The following SPATA17 variants were observed in gnomAD, a reference collection of about 807,000 sequenced individuals.
SPATA17 encodes the protein spermatogenesis associated 17.
In SPATA17, 53 loss-of-function variants were observed where a neutral mutation model predicts 62.2. The observed-to-expected ratio is 0.85, with a 90% CI of 0.68 to 1.07. The LOEUF (loss-of-function observed/expected upper bound fraction) is 1.07, where lower values mean the gene tolerates loss of function less well. SPATA17 is among the 50% of genes least tolerant of loss of function. The pLI is 0.00. For synonymous variants in SPATA17, 146 were observed against 146.8 expected, an observed-to-expected ratio of 0.99 and a Z score of 0.04; for missense variants, 466 against 425.5, an observed-to-expected ratio of 1.10 and a Z score of -0.84.
At position 217,661,224 on chromosome 1, in the gene SPATA17, A is replaced by C. The variant is rs552172647; in HGVS notation, c.241-7809A>C. 1.9e-4 allele frequency among the ~76,000 whole-genome samples: 29 copies of C among 151,986 alleles called. No homozygotes were observed. In the Middle Eastern group the frequency reaches 0.017, roughly 89 times the overall value. ...TTGTGGAATGCATTAGGTAGAATTT[A>C]GGAAGAGGAAAGGGAATTAAAAATA... On this transcript the variant is annotated intron_variant, in intron 3 of 10. Coordinates refer to ENST00000366933, the MANE Select transcript of SPATA17 (RefSeq NM_138796.4).
chr1:217,675,917 G>GA (rs1388597219), intron 4 of SPATA17, among the ~76,000 whole-genome samples: 1 of 152,092 alleles, frequency 6.6e-6, no homozygotes, highest in Non-Finnish European at 1.5e-5. Context: ...CTCTTTTTCT[G>GA]AAAATATGGA....
Position 217,868,368 on chromosome 1 carries a change from T to G in SPATA17, c.*1349T>G, listed in dbSNP as rs1012653015. 1 of 152,194 alleles carries G rather than the reference T, an allele frequency of 6.6e-6. No individual in the cohort carries two copies. The highest frequency in any genetic ancestry group is 2.4e-5 in the African/African-American group (1 of 41,460). 9.4% of individuals were successfully genotyped at this position (152,194 alleles called of 1,614,324 possible). ...TTATAATCGGTTATGTGCCAATAAA[T>G]CCATTGTAAATTGAAAATATCCTAA... On this transcript the variant is annotated 3_prime_UTR_variant, in exon 11 of 11. Coordinates refer to ENST00000366933, the MANE Select transcript of SPATA17 (RefSeq NM_138796.4).
Position 217,858,161 on chromosome 1 carries a change from A to G in SPATA17, c.1006-4613A>G, listed in dbSNP as rs535374175. ...ATATTATATTCCCACAATATTACAC[A>G]TGGATAATTTAACACAAATGAATAG... is the stretch of plus-strand genomic sequence containing the variant. On this transcript the variant is annotated intron_variant, in intron 9 of 10. Transcript: ENST00000366933. Among the ~76,000 whole-genome samples the G allele has an allele frequency of 9.2e-5, 14 of 152,292 alleles. 1 individual carries two copies. Among genetic ancestry groups the G allele is most frequent in the East Asian group, 7.7e-4 (4 of 5,184 alleles).
At chr1:217,712,033 G>A (rs73095323) in intron 5 of SPATA17, among the ~76,000 whole-genome samples, 7,297 of 151,588 alleles carry the variant, frequency 0.048, 574 homozygotes, top group African/African-American at 0.16. Context: ...CTTTTTCTCT[G>A]AAGTTTTTAT....
intron 7 of SPATA17, among the ~76,000 whole-genome samples, chr1:217,779,240 A>G (rs1673673391): frequency 6.6e-6 from 1 of 151,684 alleles, no homozygotes; most frequent in Admixed American, 6.6e-5. Context: ...GCAGAATTAA[A>G]AAATATGTAT....
At chr1:217,822,296 T>C (rs1192013863) in intron 9 of SPATA17, among the ~76,000 whole-genome samples, 2 of 152,044 alleles carry the variant, frequency 1.3e-5, no homozygotes, top group Non-Finnish European at 2.9e-5. Context: ...AAAACTTACA[T>C]TGTTTTGATA....
In SPATA17 at chr1:217,826,662, A is replaced by G. The variant is rs560153930; in HGVS notation, c.1005+24812A>G. Among the ~76,000 whole-genome samples, 6 of 152,240 alleles carry G rather than the reference A, an allele frequency of 3.9e-5. No homozygotes were observed. In the South Asian group the frequency reaches 1.2e-3, roughly 32 times the overall value. ...CTTATAACTAACTTCTAAATATGAT[A>G]TTTTACCAATTAGAGAAAGATTTAT... On this transcript the variant is annotated intron_variant, in intron 9 of 10. Coordinates refer to ENST00000366933, the MANE Select transcript of SPATA17 (RefSeq NM_138796.4).
intron 5 of SPATA17, among the ~76,000 whole-genome samples, chr1:217,727,077 A>G (rs1672279170): frequency 6.6e-6 from 1 of 151,772 alleles, no homozygotes; most frequent in Non-Finnish European, 1.5e-5. Flanking sequence ...GAGAAACCCC[A>G]TCTCTACTAA....
intron 9 of SPATA17, among the ~76,000 whole-genome samples, chr1:217,829,489 A>G (rs751358177): frequency 4.9e-4 from 74 of 151,802 alleles, no homozygotes; most frequent in Admixed American, 1.6e-3. Context: ...TTAGCCGGGC[A>G]TGGTGGCCCA....
chr1:217,656,514 T>C (rs1670445183), intron 3 of SPATA17, among the ~76,000 whole-genome samples: 1 of 152,240 alleles, frequency 6.6e-6, no homozygotes, highest in East Asian at 1.9e-4. Flanking sequence ...TTAAATCTGG[T>C]AAGCTCTAAG....
intron 5 of SPATA17, among the ~76,000 whole-genome samples, chr1:217,714,292 T>C (rs1671945457): frequency 6.6e-6 from 1 of 151,604 alleles, no homozygotes; most frequent in Non-Finnish European, 1.5e-5. Flanking sequence ...AGGAAGTTGA[T>C]GCAGGAGAAT....
rs150527831 is a variant in SPATA17, at chr1:217,817,683, T to A, written c.1005+15833T>A. On this transcript the variant is annotated intron_variant, in intron 9 of 10. Coordinates refer to ENST00000366933, the MANE Select transcript of SPATA17 (RefSeq NM_138796.4). ...AACATGTTGCCCTGAAATTGCAGCA[T>A]AATTTACCTTACGTGGTTTCAAAAG... 7.7e-3 allele frequency among the ~76,000 whole-genome samples: 1,169 copies of A among 152,186 alleles called. 9 individuals carry two copies. The highest frequency in any genetic ancestry group is 0.013 in the Non-Finnish European group (855 of 67,978).
Position 217,749,991 on chromosome 1 carries a change from A to C in SPATA17, c.519+7893A>C, listed in dbSNP as rs1321683219. Among the ~76,000 whole-genome samples, 151 of 81,404 alleles carry C rather than the reference A, an allele frequency of 1.9e-3. 3 individuals carry two copies. Among genetic ancestry groups the C allele is most frequent in the African/African-American group, 2.8e-3 (69 of 24,762 alleles). 53.4% of individuals were successfully genotyped at this position (81,404 alleles called of 152,430 possible). ...TCTCTCTCTCTCTCTCTCTCTATATATATATATATATATATATATATGAGG... is the reference window on the plus strand; with the variant it reads ...TCTCTCTCTCTCTCTCTCTCTATATCTATATATATATATATATATATGAGG... On this transcript the variant is annotated intron_variant, in intron 6 of 10. Transcript: ENST00000366933.
chr1:217,696,358 C>G (rs966963046), intron 5 of SPATA17, among the ~76,000 whole-genome samples: 1 of 152,160 alleles, frequency 6.6e-6, no homozygotes, highest in South Asian at 2.1e-4. Context: ...GGCTCGCGCA[C>G]AGTGCGCGCA....
intron 4 of SPATA17, among the ~76,000 whole-genome samples, chr1:217,670,312 G>A (rs984369172): frequency 3.3e-5 from 5 of 152,048 alleles, no homozygotes; most frequent in Admixed American, 1.3e-4. Context: ...TGATCACCAG[G>A]GGAGACTGTA....
intron 6 of SPATA17, among the ~76,000 whole-genome samples, chr1:217,765,461 T>C (rs1673277323): frequency 6.6e-6 from 1 of 151,992 alleles, no homozygotes; most frequent in East Asian, 1.9e-4. Flanking sequence ...TGATAAGCTA[T>C]ATTTTAATTT....
chr1:217,648,899 G>GA lies in SPATA17; in HGVS notation c.92dup (p.Glu32GlyfsTer3), dbSNP rs773436209. 15 of 1,606,814 alleles carry GA rather than the reference G, an allele frequency of 9.3e-6. No homozygotes were observed. The African/African-American group carries it at 1.5e-4, about 16-fold the overall frequency. Reference sequence around the variant, plus strand: ...TGTTTTAGTGTTGTAGATCCATTTAGAAAAAAGGAGAATGATGCAGCAGTT... The same window carrying GA: ...TGTTTTAGTGTTGTAGATCCATTTAGAAAAAAAGGAGAATGATGCAGCAGTT... On this transcript the variant is annotated frameshift_variant, in exon 2 of 11. Transcript: ENST00000366933. LOFTEE classifies it high-confidence loss of function.
chr1:217,815,989 A>C (rs1342913230), intron 9 of SPATA17, among the ~76,000 whole-genome samples: 2 of 152,138 alleles, frequency 1.3e-5, no homozygotes, highest in Non-Finnish European at 2.9e-5. Context: ...AACTGCTCTG[A>C]AGCAGAATGA....
intron 9 of SPATA17, among the ~76,000 whole-genome samples, chr1:217,826,760 T>C (rs1324246953): frequency 6.6e-6 from 1 of 152,080 alleles, no homozygotes; most frequent in Non-Finnish European, 1.5e-5. Context: ...CATTAAAACA[T>C]AATAATTATG....
Sources: allele counts gnomAD v4.1 joint callset (sites outside exome capture counted in the v4.1 genomes callset), GRCh38; gene constraint gnomAD v4.1.1; transcripts MANE v1.5; gene names NCBI Gene and HGNC (gene_info 2026-07-23, HGNC 2026-07-21).